SLC35A3: variants seen among roughly 807,000 people sequenced by gnomAD.
The protein encoded by SLC35A3 is solute carrier family 35 member A3, also known as UDP-N-acetylglucosamine transporter.
In SLC35A3, 26 loss-of-function variants were observed where a neutral mutation model predicts 39.0. The observed-to-expected ratio is 0.67, with a 90% CI of 0.49 to 0.92. SLC35A3 has a LOEUF of 0.92. Among genes scored for constraint, SLC35A3 ranks in the 40% least tolerant of loss-of-function variants. The pLI is 0.00. For synonymous variants in SLC35A3, 135 were observed against 133.1 expected (o/e 1.01, Z -0.10); for missense variants, 299 against 371.6 (o/e 0.80, Z 1.61).
intron 4 of SLC35A3, 62 bp downstream of exon 4, chr1:100,007,218 T>C (rs1390801152): frequency 7.1e-7 from 1 of 1,398,730 alleles, no homozygotes; most frequent in African/African-American, 1.5e-5. Flanking sequence ...CTTATTTATT[T>C]TGTGTGGAGA....
Position 100,033,661 on chromosome 1 carries a change from A to G in SLC35A3, c.*11185A>G, listed in dbSNP as rs1661367612. ...GTCTAGGCCTCTACTATTTAATTTG[A>G]CACCTTTAAATGATGTTCTTTGACT... On this transcript the variant is annotated 3_prime_UTR_variant, in exon 8 of 8. Coordinates refer to ENST00000533028, the MANE Select transcript of SLC35A3 (RefSeq NM_012243.3). 6.6e-6 allele frequency: 1 copy of G among 152,028 alleles called. No homozygotes were observed. The highest frequency in any genetic ancestry group is 2.4e-5 in the African/African-American group (1 of 41,394). 9.4% of individuals were successfully genotyped at this position (152,028 alleles called of 1,614,324 possible).
chr1:100,018,958 A>G lies in SLC35A3; in HGVS notation c.887+1143A>G, dbSNP rs142904436. ...TGTAGTTCTTATGGGACAAAAATTT[A>G]AAAGCATTTCTGTTTTCAGCTTGGT... On this transcript the variant is annotated intron_variant, in intron 7 of 7. Coordinates refer to ENST00000533028, the MANE Select transcript of SLC35A3 (RefSeq NM_012243.3). Among the ~76,000 whole-genome samples the G allele has an allele frequency of 4.9e-3, 748 of 152,338 alleles. 9 individuals are homozygous for G. The highest frequency in any genetic ancestry group is 0.018 in the African/African-American group (731 of 41,578).
rs1328498831 is a variant in SLC35A3 at position 100,028,598 on chromosome 1, G to A, written c.*6122G>A. On this transcript the variant is annotated 3_prime_UTR_variant, in exon 8 of 8. Transcript: ENST00000533028. Reference sequence around the variant, plus strand: ...CTGCCTTGGCCTCCCAAAGTGTTGGGATTACAGGCGTGAGCGACCACACCC... The same window carrying A: ...CTGCCTTGGCCTCCCAAAGTGTTGGAATTACAGGCGTGAGCGACCACACCC... The A allele has an allele frequency of 6.6e-6, 1 of 152,398 alleles. No homozygotes were observed. Among genetic ancestry groups the A allele is most frequent in the Non-Finnish European group, 1.5e-5 (1 of 68,212 alleles). The allele number at this position is 152,398 out of a possible 1,614,324, so 9.4% of individuals were successfully genotyped here.
At position 100,034,612 on chromosome 1, in the gene SLC35A3, G is replaced by A. The variant is rs1661402924; in HGVS notation, c.*12136G>A. On this transcript the variant is annotated 3_prime_UTR_variant, in exon 8 of 8. Transcript: ENST00000533028. ...GGATCTTCTTCAATCAGCAATAACA[G>A]GTGGCTCTATAGAATGGAGGGTAGA... 1 of 152,096 alleles carries A rather than the reference G, an allele frequency of 6.6e-6. No homozygotes were observed. The highest frequency in any genetic ancestry group is 1.5e-5 in the Non-Finnish European group (1 of 68,036). 9.4% of individuals were successfully genotyped at this position (152,096 alleles called of 1,614,324 possible).
chr1:99,995,345 G>T (rs1280273933), intron 2 of SLC35A3, among the ~76,000 whole-genome samples: 2 of 151,770 alleles, frequency 1.3e-5, no homozygotes, highest in East Asian at 3.9e-4. Flanking sequence ...TAGAGATGAG[G>T]TTTCACCAGG....
At chr1:99,986,963 A>G (rs879445842) in intron 1 of SLC35A3, among the ~76,000 whole-genome samples, 2 of 152,248 alleles carry the variant, frequency 1.3e-5, no homozygotes, top group Admixed American at 6.5e-5. Context: ...CACAGAATAA[A>G]CAAGACTTCC....
At chr1:100,016,048 A>G (rs1474526070) in intron 6 of SLC35A3, among the ~76,000 whole-genome samples, 2 of 151,518 alleles carry the variant, frequency 1.3e-5, no homozygotes, top group Non-Finnish European at 2.9e-5. Flanking sequence ...TTTTAAAAGC[A>G]GGTAGGATAC....
chr1:99,971,191 AG>A (rs1267165751), intron 1 of SLC35A3, among the ~76,000 whole-genome samples: 1 of 152,230 alleles, frequency 6.6e-6, no homozygotes, highest in African/African-American at 2.4e-5. Context: ...GATCGGCTTC[AG>A]AATAAAATGT....
intron 1 of SLC35A3, among the ~76,000 whole-genome samples, chr1:99,990,602 A>G (rs189287426): frequency 6.6e-6 from 1 of 152,108 alleles, no homozygotes; most frequent in Non-Finnish European, 1.5e-5. Context: ...AAATACATAG[A>G]TCTCATTATT....
intron 6 of SLC35A3, among the ~76,000 whole-genome samples, chr1:100,016,272 G>A (rs1660105493): frequency 6.6e-6 from 1 of 151,624 alleles, no homozygotes; most frequent in African/African-American, 2.4e-5. Context: ...CACCATGTTA[G>A]CCAGGATGAT....
chr1:100,005,502 C>T (rs916055060), intron 3 of SLC35A3, among the ~76,000 whole-genome samples: 2 of 152,058 alleles, frequency 1.3e-5, no homozygotes, highest in Non-Finnish European at 2.9e-5. Context: ...TGGTGAAGAT[C>T]GTTTTGGGTT....
chr1:100,011,432 C>A lies in SLC35A3; in HGVS notation c.533C>A (p.Ala178Glu). ...GGTTCTCAATTTGTAGGACTCATGG[C>A]AGTTCTCACAGCATGTTTTTCAAGT... is the stretch of plus-strand genomic sequence containing the variant. Reference protein sequence around the residue: ...SAGSQFVGLMAVLTACFSSGF... With the variant: ...SAGSQFVGLMEVLTACFSSGF... The change falls in exon 5 of 8, where the codon GCA (alanine) becomes GAA (glutamate). Residue 178 changes from alanine to glutamate, a missense_variant. Coordinates refer to ENST00000533028, the MANE Select transcript of SLC35A3 (RefSeq NM_012243.3). The A allele has an allele frequency of 6.3e-7, 1 of 1,581,312 alleles. No homozygotes were observed. Among genetic ancestry groups the A allele is most frequent in the Non-Finnish European group, 8.6e-7 (1 of 1,156,868 alleles).
At chr1:100,018,956 T>G (rs1425744231) in intron 7 of SLC35A3, among the ~76,000 whole-genome samples, 5 of 152,190 alleles carry the variant, frequency 3.3e-5, no homozygotes, top group Non-Finnish European at 7.4e-5. Flanking sequence ...GGACAAAAAT[T>G]TAAAAGCATT....
intron 5 of SLC35A3, among the ~76,000 whole-genome samples, chr1:100,013,046 T>A (rs1557842770): frequency 6.6e-6 from 1 of 152,214 alleles, no homozygotes; most frequent in African/African-American, 2.4e-5. Flanking sequence ...TGTTACATGC[T>A]GATACATACA....
chr1:99,994,199 G>T (rs1291850302), intron 2 of SLC35A3, among the ~76,000 whole-genome samples: 3 of 151,884 alleles, frequency 2.0e-5, no homozygotes, highest in Non-Finnish European at 2.9e-5. Flanking sequence ...ATGGTTTTTG[G>T]TATATTTCAA....
At chr1:100,012,842 A>C (rs1290615957) in intron 5 of SLC35A3, among the ~76,000 whole-genome samples, 1 of 152,216 alleles carries the variant, frequency 6.6e-6, no homozygotes, top group Non-Finnish European at 1.5e-5. Flanking sequence ...AGGGCTGGTT[A>C]AATAAATTAT....
chr1:99,993,739 G>T lies in SLC35A3; in HGVS notation c.185G>T (p.Ser62Ile). The change falls in exon 2 of 8, where the codon AGC becomes ATC. Residue 62 changes from serine (S) to isoleucine (I), a missense_variant and splice_region_variant. Transcript: ENST00000533028. Reference protein sequence around the residue: ...MACILLVYKDSKCSLRALNRV... With the variant: ...MACILLVYKDIKCSLRALNRV... The stretch of plus-strand genomic sequence containing the variant: ...TGCATTTTATTGGTCTACAAAGACA[G>T]CAGTAGGTATCTAGGTTTTTTGTTT... 1 of 1,612,918 alleles carries T rather than the reference G, an allele frequency of 6.2e-7. No individual in the cohort carries two copies. The highest frequency in any genetic ancestry group is 1.7e-5 in the Admixed American group (1 of 59,816).
intron 1 of SLC35A3, among the ~76,000 whole-genome samples, chr1:99,980,037 C>CT (rs919763311): frequency 2.2e-4 from 33 of 149,488 alleles, no homozygotes; most frequent in African/African-American, 7.7e-4. Context: ...GAGCAAGACT[C>CT]TGTCTCTCTC....
chr1:99,981,669 C>T (rs1161971801), intron 1 of SLC35A3, among the ~76,000 whole-genome samples: 1 of 151,520 alleles, frequency 6.6e-6, no homozygotes. Context: ...TTAGTAGAGA[C>T]AGGGTTTTGC....
Sources: gnomAD v4.1 joint callset for allele counts (sites outside exome capture counted in the v4.1 genomes callset) on GRCh38, gnomAD v4.1.1 for gene constraint, MANE v1.5 for transcripts, NCBI Gene and HGNC (gene_info 2026-07-23, HGNC 2026-07-21) for gene names.